The following DLGAP2 variants were observed in gnomAD, a reference collection of about 807,000 sequenced individuals.
DLGAP2 encodes disks large-associated protein 2.
In DLGAP2, 26 loss-of-function variants were observed where a neutral mutation model predicts 100.3. The ratio of observed to expected loss-of-function variants is 0.26; its 90% confidence interval spans 0.19 to 0.36. The LOEUF is 0.36. DLGAP2 is among the 10% of genes least tolerant of loss of function. The probability of loss-of-function intolerance (pLI) is 1.00; values close to 1 mark genes in which losing one functional copy is unlikely to be tolerated. For missense variants in DLGAP2, 1,858 were observed against 1,453.2 expected (o/e 1.28, Z -4.53); for synonymous variants, 886 against 630.1 (o/e 1.41, Z -6.08).
chr8:1,211,145 A>G (rs1232001624), intron 2 of DLGAP2, among the ~76,000 whole-genome samples: 2 of 152,216 alleles, frequency 1.3e-5, no homozygotes, highest in African/African-American at 4.8e-5. Context: ...GTTTTGCAAC[A>G]TGATCTCATG....
At chr8:1,266,236 T>C (rs1799447689) in intron 3 of DLGAP2, among the ~76,000 whole-genome samples, 1 of 152,242 alleles carries the variant, frequency 6.6e-6, no homozygotes, top group Admixed American at 6.5e-5. Context: ...ATTTTTTGCT[T>C]GACTTCAGTC....
chr8:1,327,700 C>T (rs1006264518), intron 3 of DLGAP2, among the ~76,000 whole-genome samples: 3 of 152,022 alleles, frequency 2.0e-5, no homozygotes, highest in African/African-American at 7.2e-5. Flanking sequence ...AAAAACTATC[C>T]GGGCGTCGTG....
At chr8:814,573 G>C (rs1019225936) in intron 1 of DLGAP2, among the ~76,000 whole-genome samples, 27 of 152,080 alleles carry the variant, frequency 1.8e-4, no homozygotes, top group African/African-American at 6.3e-4. Flanking sequence ...AGGTAGTTTT[G>C]TAAAATGACC....
rs6559190 is a variant in DLGAP2 at position 822,148 on chromosome 8, T to A, written c.18+84323T>A. 1,040 of 399,660 alleles carry A rather than the reference T, an allele frequency of 2.6e-3. 10 individuals are homozygous for A. The highest frequency in any genetic ancestry group is 0.019 in the African/African-American group (941 of 48,792). 24.8% of individuals were successfully genotyped at this position (399,660 alleles called of 1,614,324 possible). A position where few individuals can be genotyped will look rare whatever the true frequency, so the allele number is the denominator to read the frequency against. ...CCTGCGCGGCTTCCCTCGCGGCTGC[T>A]AACCCTCTGCCTGCGCCCAGCCCAG... On this transcript the variant is annotated intron_variant, in intron 1 of 14. Transcript: ENST00000637795.
At chr8:1,477,085 C>T (rs1445152112) in intron 3 of DLGAP2, among the ~76,000 whole-genome samples, 2 of 152,272 alleles carry the variant, frequency 1.3e-5, no homozygotes, top group African/African-American at 4.8e-5. Context: ...AATCACGTCA[C>T]TGCCGCAGGC....
intron 3 of DLGAP2, among the ~76,000 whole-genome samples, chr8:1,491,077 C>CAAAA (rs386411871): frequency 1.2e-4 from 8 of 64,528 alleles, no homozygotes; most frequent in East Asian, 5.2e-4. Flanking sequence ...AACTGGAAAC[C>CAAAA]AAAAAAAAAA....
At chr8:1,198,110 G>T (rs1032180303) in intron 2 of DLGAP2, among the ~76,000 whole-genome samples, 1 of 146,942 alleles carries the variant, frequency 6.8e-6, no homozygotes, top group African/African-American at 2.7e-5. Flanking sequence ...GTGTGTGTAC[G>T]TGTGTGCGTG....
chr8:1,510,005 A>G (rs144327768), intron 4 of DLGAP2, among the ~76,000 whole-genome samples: 7 of 152,356 alleles, frequency 4.6e-5, no homozygotes, highest in African/African-American at 7.2e-5. Flanking sequence ...TTTCCCGAAC[A>G]TGATTTCCAT....
chr8:1,469,912 T>C (rs749117978), intron 3 of DLGAP2, among the ~76,000 whole-genome samples: 1 of 151,812 alleles, frequency 6.6e-6, no homozygotes, highest in African/African-American at 2.4e-5. Context: ...ATCCCACACT[T>C]TGGGAGGCTG....
chr8:1,328,690 C>A (rs535723433), intron 3 of DLGAP2, among the ~76,000 whole-genome samples: 2 of 152,254 alleles, frequency 1.3e-5, no homozygotes, highest in South Asian at 4.2e-4. Flanking sequence ...CGTCATTATT[C>A]ATTCTTTTTA....
At chr8:1,007,163 A>G (rs1053975746) in intron 2 of DLGAP2, among the ~76,000 whole-genome samples, 1 of 122,962 alleles carries the variant, frequency 8.1e-6, no homozygotes, top group African/African-American at 3.1e-5. Context: ...TGCCGTGTAT[A>G]TGAAGTCTCG....
chr8:1,303,936 C>G (rs531730387), intron 3 of DLGAP2, among the ~76,000 whole-genome samples: 15 of 152,286 alleles, frequency 9.8e-5, no homozygotes, highest in African/African-American at 3.6e-4. Context: ...GTAAATGGAG[C>G]CGCTGATGCA....
chr8:806,344 A>C (rs528982650), intron 1 of DLGAP2, among the ~76,000 whole-genome samples: 1 of 152,208 alleles, frequency 6.6e-6, no homozygotes, highest in Non-Finnish European at 1.5e-5. Flanking sequence ...GCCAGGATTC[A>C]CTGCCCGTCA....
chr8:1,415,705 T>C (rs1006860448), intron 3 of DLGAP2, among the ~76,000 whole-genome samples: 26 of 152,348 alleles, frequency 1.7e-4, no homozygotes, highest in African/African-American at 6.3e-4. Flanking sequence ...CTTTATCTCA[T>C]CCACCTTTGA....
At chr8:1,586,821 C>A (rs1584958084) in intron 6 of DLGAP2, among the ~76,000 whole-genome samples, 1 of 152,184 alleles carries the variant, frequency 6.6e-6, no homozygotes, top group East Asian at 1.9e-4. Flanking sequence ...TGCTCAACCA[C>A]CAGTCTACTT....
At chr8:1,664,697 A>G (rs1023821726) in intron 8 of DLGAP2, among the ~76,000 whole-genome samples, 7 of 152,218 alleles carry the variant, frequency 4.6e-5, no homozygotes, top group African/African-American at 7.2e-5. Flanking sequence ...ATTCAGTTCA[A>G]TATTGCAGCC....
chr8:952,379 G>A (rs779261950), intron 2 of DLGAP2, among the ~76,000 whole-genome samples: 39 of 152,300 alleles, frequency 2.6e-4, no homozygotes, highest in Admixed American at 1.3e-3. Context: ...ATTATTTAGT[G>A]CTTCATTTAA....
chr8:758,949 G>A (rs1437310082), intron 1 of DLGAP2, among the ~76,000 whole-genome samples: 3 of 150,730 alleles, frequency 2.0e-5, no homozygotes, highest in Admixed American at 6.6e-5. Flanking sequence ...CTCCCCAACA[G>A]CCTTCCCATT....
At chr8:1,189,092 T>C (rs934467144) in intron 2 of DLGAP2, among the ~76,000 whole-genome samples, 4 of 144,714 alleles carry the variant, frequency 2.8e-5, no homozygotes, top group African/African-American at 1.1e-4. Flanking sequence ...GGTTCCGCGG[T>C]TGGGGTTGAC....
Sources: gnomAD v4.1 joint callset for allele counts (sites outside exome capture counted in the v4.1 genomes callset) on GRCh38, gnomAD v4.1.1 for gene constraint, MANE v1.5 for transcripts, NCBI Gene and HGNC (gene_info 2026-07-23, HGNC 2026-07-21) for gene names.